Variants in SESTD1 observed in about 807,000 individuals in gnomAD.
SESTD1 encodes SEC14 and spectrin domain containing 1, also known as SEC14 domain and spectrin repeat-containing protein 1.
A neutral mutation model predicts 101.7 loss-of-function variants in SESTD1; 43 were observed. The ratio of observed to expected loss-of-function variants is 0.42; its 90% confidence interval spans 0.33 to 0.55. SESTD1 has a LOEUF of 0.55. Among genes scored for constraint, SESTD1 ranks in the 20% least tolerant of loss-of-function variants. The pLI, the probability that SESTD1 is intolerant of heterozygous loss-of-function variation, is 0.07. For synonymous variants in SESTD1, 283 were observed against 286.8 expected, an observed-to-expected ratio of 0.99 and a Z score of 0.13; for missense variants, 647 against 815.1, an observed-to-expected ratio of 0.79 and a Z score of 2.51.
At chr2:179,238,250 G>A (rs1204931328) in intron 1 of SESTD1, among the ~76,000 whole-genome samples, 4 of 152,058 alleles carry the variant, frequency 2.6e-5, no homozygotes, top group Non-Finnish European at 5.9e-5. Flanking sequence ...TCTCAGGGGT[G>A]ACAGATATAG....
intron 6 of SESTD1, among the ~76,000 whole-genome samples, chr2:179,150,485 T>C (rs2045495598): frequency 6.6e-6 from 1 of 152,004 alleles, no homozygotes; most frequent in Non-Finnish European, 1.5e-5. Flanking sequence ...AATGTTTAAA[T>C]ATCCTCTGAA....
intron 5 of SESTD1, among the ~76,000 whole-genome samples, chr2:179,165,538 T>G (rs1449168763): frequency 6.6e-6 from 1 of 152,184 alleles, no homozygotes; most frequent in East Asian, 1.9e-4. Context: ...CAACATTCCC[T>G]GCATGCCCCA....
chr2:179,123,687 T>C (rs774629156), intron 12 of SESTD1, 28 bp downstream of exon 12: 8 of 1,500,496 alleles, frequency 5.3e-6, no homozygotes, highest in East Asian at 2.3e-5. Flanking sequence ...AAAAACCTTA[T>C]GTTTCAGCAT....
intron 1 of SESTD1, among the ~76,000 whole-genome samples, chr2:179,227,605 G>A (rs1453234033): frequency 6.6e-6 from 1 of 152,112 alleles, no homozygotes; most frequent in Non-Finnish European, 1.5e-5. Context: ...TAAAAATACG[G>A]AACTATGATA....
intron 1 of SESTD1, among the ~76,000 whole-genome samples, chr2:179,222,856 T>G (rs539461077): frequency 6.6e-6 from 1 of 152,312 alleles, no homozygotes; most frequent in Non-Finnish European, 1.5e-5. Context: ...CTCTGTCCAG[T>G]GCTTCTCTCC....
At position 179,192,940 on chromosome 2, in the gene SESTD1, A is replaced by C. The variant is rs188835333; in HGVS notation, c.-25-1074T>G. ...TACACTGTGAAATTTTATTGTATTT[A>C]GTGAAAGCATATTCTCTTGAAGACA... is the stretch of plus-strand genomic sequence containing the variant. On this transcript the variant is annotated intron_variant, in intron 1 of 17. Coordinates refer to ENST00000428443, the MANE Select transcript of SESTD1 (RefSeq NM_178123.5). Among the ~76,000 whole-genome samples the C allele has an allele frequency of 3.6e-3, 552 of 152,318 alleles. 3 individuals are homozygous for C. The highest frequency in any genetic ancestry group is 0.013 in the African/African-American group (536 of 41,566).
chr2:179,218,554 C>A (rs2046758231), intron 1 of SESTD1, among the ~76,000 whole-genome samples: 1 of 141,320 alleles, frequency 7.1e-6, no homozygotes, highest in African/African-American at 2.6e-5. Flanking sequence ...CAACCAAAAG[C>A]AAGAAGCACC....
chr2:179,212,966 C>T (rs2046670812), intron 1 of SESTD1, among the ~76,000 whole-genome samples: 1 of 132,098 alleles, frequency 7.6e-6, no homozygotes, highest in Admixed American at 7.3e-5. Flanking sequence ...ACAAAAAGGA[C>T]ATCTACACCA....
chr2:179,250,495 T>A (rs764293884), intron 1 of SESTD1, among the ~76,000 whole-genome samples: 48 of 152,198 alleles, frequency 3.2e-4, no homozygotes, highest in Non-Finnish European at 5.0e-4. Context: ...AGGTTAGAAG[T>A]CCACGATTAA....
intron 4 of SESTD1, chr2:179,174,375 A>G (rs896602486): frequency 6.8e-6 from 3 of 439,926 alleles, no homozygotes; most frequent in African/African-American, 6.2e-5. Context: ...AAATCGCAAG[A>G]GGGGATTAAA....
intron 1 of SESTD1, among the ~76,000 whole-genome samples, chr2:179,241,057 CA>C (rs768867000): frequency 6.6e-6 from 1 of 151,516 alleles, no homozygotes; most frequent in Admixed American, 6.6e-5. Flanking sequence ...ACTTTAGAAC[CA>C]AAAAATACAA....
intron 13 of SESTD1, 32 bp from the exon 14 acceptor site, chr2:179,117,645 A>T (rs1297669653): frequency 6.6e-7 from 1 of 1,521,704 alleles, no homozygotes; most frequent in African/African-American, 1.4e-5. Flanking sequence ...TTAACTCATC[A>T]TTTCTGTTTT....
intron 9 of SESTD1, among the ~76,000 whole-genome samples, chr2:179,139,946 A>C (rs1449750910): frequency 6.6e-6 from 1 of 152,162 alleles, no homozygotes; most frequent in African/African-American, 2.4e-5. Flanking sequence ...CTGGTCTGTT[A>C]CTGGCCAGAG....
intron 9 of SESTD1, among the ~76,000 whole-genome samples, chr2:179,134,680 T>C (rs1007815150): frequency 3.9e-5 from 6 of 152,180 alleles, no homozygotes; most frequent in African/African-American, 1.2e-4. Context: ...GAGATCTTCT[T>C]GGGTCCAATG....
intron 1 of SESTD1, among the ~76,000 whole-genome samples, chr2:179,196,465 G>C (rs563207770): frequency 1.3e-5 from 2 of 152,376 alleles, no homozygotes; most frequent in African/African-American, 4.8e-5. Flanking sequence ...ACAGCTAAAG[G>C]AGGCCTGCTT....
At chr2:179,170,933 T>C (rs965342073) in intron 5 of SESTD1, among the ~76,000 whole-genome samples, 7 of 152,222 alleles carry the variant, frequency 4.6e-5, no homozygotes, top group Non-Finnish European at 1.0e-4. Context: ...ATCTGGGTTG[T>C]TCATCTATAT....
chr2:179,185,627 T>C (rs1177823094), intron 2 of SESTD1, among the ~76,000 whole-genome samples: 4 of 129,056 alleles, frequency 3.1e-5, no homozygotes, highest in Non-Finnish European at 6.1e-5. Context: ...TTATACAATA[T>C]ATAATATAGC....
At chr2:179,112,890 G>GAGACACAAACTGCAGATCC (rs1396487448) in intron 16 of SESTD1, 45 bp from the exon 17 acceptor site, 2 of 1,567,840 alleles carry the variant, frequency 1.3e-6, no homozygotes, top group East Asian at 4.6e-5. Context: ...ACACAGACAG[G>GAGACACAAACTGCAGATCC]TCTGCAGTTT....
rs150487606 is a variant in SESTD1 at position 179,136,328 on chromosome 2, T to A, written c.850-3902A>T. Among the ~76,000 whole-genome samples the A allele has an allele frequency of 6.1e-4, 93 of 152,330 alleles. No individual in the cohort carries two copies. The East Asian group carries it at 0.011, about 19-fold the overall frequency. On this transcript the variant is annotated intron_variant, in intron 9 of 17. Transcript: ENST00000428443. ...TTACTTTTTCTGTAGCCTAGTTCCC[T>A]CCGTCCACTAACTCTTTATGGAGTT...
Sources: allele counts gnomAD v4.1 joint callset (sites outside exome capture counted in the v4.1 genomes callset), GRCh38; gene constraint gnomAD v4.1.1; transcripts MANE v1.5; gene names NCBI Gene and HGNC (gene_info 2026-07-23, HGNC 2026-07-21).